Variants in DGKG observed in about 807,000 individuals in gnomAD.
DGKG encodes the protein diacylglycerol kinase gamma, also known as DAG kinase gamma.
In DGKG, 78 loss-of-function variants were observed where a neutral mutation model predicts 105.3. The ratio of observed to expected loss-of-function variants is 0.74; its 90% CI spans 0.62 to 0.89. The LOEUF (loss-of-function observed/expected upper bound fraction) is 0.89, where lower values mean the gene tolerates loss of function less well. Among genes scored for constraint, DGKG ranks in the 40% least tolerant of loss-of-function variants. The pLI is 0.00. For missense variants in DGKG, 958 were observed against 1,020.1 expected (o/e 0.94, Z 0.83); for synonymous variants, 346 against 367.1 (o/e 0.94, Z 0.66).
At chr3:186,261,345 G>T (rs1560120826) in intron 15 of DGKG, among the ~76,000 whole-genome samples, 1 of 152,102 alleles carries the variant, frequency 6.6e-6, no homozygotes, top group South Asian at 2.1e-4. Context: ...CCTAATCAAC[G>T]GGCTGCCCAT....
At chr3:186,349,095 C>G (rs1726500391) in intron 1 of DGKG, among the ~76,000 whole-genome samples, 1 of 151,842 alleles carries the variant, frequency 6.6e-6, no homozygotes, top group South Asian at 2.1e-4. Context: ...AAATTAGAGA[C>G]AGGTCTCGCT....
At chr3:186,308,296 A>G (rs1480211014) in intron 2 of DGKG, among the ~76,000 whole-genome samples, 2 of 152,224 alleles carry the variant, frequency 1.3e-5, no homozygotes, top group Non-Finnish European at 2.9e-5. Flanking sequence ...AAAACACATT[A>G]TGAATGCATC....
intron 22 of DGKG, among the ~76,000 whole-genome samples, chr3:186,167,883 G>T (rs1200688772): frequency 6.6e-6 from 1 of 152,330 alleles, no homozygotes; most frequent in East Asian, 1.9e-4. Context: ...ATTCTTGAAG[G>T]GCTCTTAGCC....
At chr3:186,258,355 C>T (rs188675626) in intron 16 of DGKG, among the ~76,000 whole-genome samples, 34 of 152,302 alleles carry the variant, frequency 2.2e-4, no homozygotes, top group Non-Finnish European at 3.8e-4. Flanking sequence ...TCTCTTCACT[C>T]TCCTGTGGGC....
chr3:186,340,764 T>C (rs1401096910), intron 1 of DGKG, among the ~76,000 whole-genome samples: 1 of 152,224 alleles, frequency 6.6e-6, no homozygotes, highest in African/African-American at 2.4e-5. Context: ...GCTTGATACA[T>C]TGGCTTTATT....
intron 1 of DGKG, among the ~76,000 whole-genome samples, chr3:186,348,451 CTTTTTTT>C (rs1159516433): frequency 5.9e-5 from 3 of 50,702 alleles, no homozygotes; most frequent in Non-Finnish European, 1.2e-4. Flanking sequence ...GGCTCATAAT[CTTTTTTT>C]TTTTTTTTTT....
intron 8 of DGKG, 39 bp from the exon 9 acceptor site, chr3:186,280,012 A>G: frequency 6.2e-7 from 1 of 1,611,594 alleles, no homozygotes; most frequent in Non-Finnish European, 8.5e-7. Flanking sequence ...CATTTTCATC[A>G]TCGACATGTC....
Position 186,288,950 on chromosome 3 carries a change from C to A in DGKG, c.374-70G>T. On this transcript the variant is annotated intron_variant, in intron 5 of 24. Transcript: ENST00000265022. ...GTAAATATTAACCCCTCTTTGTTAC[C>A]CCATCCTTTTCATGGTAGAGGCAAG... The A allele has an allele frequency of 2.8e-6, 4 of 1,433,682 alleles. No homozygotes were observed. The South Asian group carries it at 5.6e-5, about 20-fold the overall frequency. The allele number at this position is 1,433,682 out of a possible 1,614,324, so 88.8% of individuals were successfully genotyped here.
intron 24 of DGKG, among the ~76,000 whole-genome samples, chr3:186,151,283 A>G (rs1211345093): frequency 6.6e-6 from 1 of 152,236 alleles, no homozygotes; most frequent in Non-Finnish European, 1.5e-5. Context: ...GTCAAAAGAA[A>G]CAGAACCTAT....
chr3:186,316,931 T>G (rs1724846439), intron 2 of DGKG, among the ~76,000 whole-genome samples: 1 of 152,264 alleles, frequency 6.6e-6, no homozygotes. Flanking sequence ...CAGGGTTTCC[T>G]CTGAGGATTA....
intron 1 of DGKG, among the ~76,000 whole-genome samples, chr3:186,325,002 C>T (rs1282944580): frequency 3.3e-5 from 5 of 152,172 alleles, no homozygotes; most frequent in Admixed American, 3.3e-4. Context: ...ATGTAATGCA[C>T]ATATACCATA....
At chr3:186,270,002 C>T (rs1722243362) in intron 11 of DGKG, among the ~76,000 whole-genome samples, 2 of 152,152 alleles carry the variant, frequency 1.3e-5, no homozygotes, top group Admixed American at 6.5e-5. Context: ...CCACAAATAA[C>T]AGAAGGAAGT....
chr3:186,303,065 C>T (rs1215451823), intron 3 of DGKG, among the ~76,000 whole-genome samples: 1 of 152,144 alleles, frequency 6.6e-6, no homozygotes, highest in Non-Finnish European at 1.5e-5. Context: ...GCTCCTGCTA[C>T]TATATCTGTC....
intron 1 of DGKG, among the ~76,000 whole-genome samples, chr3:186,340,937 G>T (rs1167116881): frequency 6.6e-6 from 1 of 152,130 alleles, no homozygotes; most frequent in Non-Finnish European, 1.5e-5. Flanking sequence ...GCCCTAGCAG[G>T]TCTCTGGTCT....
intron 1 of DGKG, among the ~76,000 whole-genome samples, chr3:186,325,247 AG>A (rs1478724105): frequency 6.6e-6 from 1 of 151,966 alleles, no homozygotes; most frequent in African/African-American, 2.4e-5. Context: ...TAGAGGGGGC[AG>A]GGGGAAGGGG....
intron 24 of DGKG, chr3:186,158,330 A>C: frequency 1.2e-5 from 11 of 932,640 alleles, no homozygotes; most frequent in Non-Finnish European, 1.4e-5. Context: ...AGTTTAGGCT[A>C]TATTCTATAA....
chr3:186,307,191 A>C (rs749756156), intron 2 of DGKG, among the ~76,000 whole-genome samples: 27 of 152,092 alleles, frequency 1.8e-4, no homozygotes, highest in Non-Finnish European at 3.4e-4. Context: ...TGAAACACAA[A>C]TCTGATCAGA....
At chr3:186,329,052 G>C (rs535784156) in intron 1 of DGKG, among the ~76,000 whole-genome samples, 2 of 152,280 alleles carry the variant, frequency 1.3e-5, no homozygotes, top group East Asian at 3.9e-4. Context: ...TCCCTCAGCA[G>C]CCTGCTCCAT....
chr3:186,182,132 C>A (rs926442994), intron 22 of DGKG, among the ~76,000 whole-genome samples: 2 of 152,322 alleles, frequency 1.3e-5, no homozygotes, highest in South Asian at 4.1e-4. Flanking sequence ...TCAGGTGGAA[C>A]TCCACATGGG....
Sources: gnomAD v4.1 joint callset for allele counts (sites outside exome capture counted in the v4.1 genomes callset) on GRCh38, gnomAD v4.1.1 for gene constraint, MANE v1.5 for transcripts, NCBI Gene and HGNC (gene_info 2026-07-23, HGNC 2026-07-21) for gene names.